The following ZNF407 variants were observed in gnomAD, a reference collection of about 807,000 sequenced individuals.
The protein encoded by ZNF407 is zinc finger protein 407.
ZNF407 carries 17 observed loss-of-function variants against 131.2 expected under a neutral mutation model. The ratio of observed to expected loss-of-function variants is 0.13; its 90% CI spans 0.09 to 0.19. ZNF407 has a LOEUF of 0.19. ZNF407 is among the 10% of genes least tolerant of loss of function. The pLI is 1.00. For synonymous variants in ZNF407, 1,156 were observed against 1,062.0 expected (o/e 1.09, Z -1.72); for missense variants, 2,681 against 2,830.6 (o/e 0.95, Z 1.20).
At chr18:74,598,224 T>C in intron 1 of ZNF407, 1 of 152,100 alleles carries the variant, frequency 6.6e-6, no homozygotes, top group Non-Finnish European at 1.5e-5. Flanking sequence ...CGCCCTGCCC[T>C]CTCACCCGCT....
chr18:74,737,303 G>A (rs1456396467), intron 3 of ZNF407, among the ~76,000 whole-genome samples: 1 of 152,118 alleles, frequency 6.6e-6, no homozygotes, highest in Non-Finnish European at 1.5e-5. Flanking sequence ...CATATCTTTA[G>A]CACTGTTGGG....
chr18:74,778,727 A>T (rs1260443734), intron 3 of ZNF407, among the ~76,000 whole-genome samples: 1 of 152,102 alleles, frequency 6.6e-6, no homozygotes, highest in East Asian at 1.9e-4. Flanking sequence ...CAGGTTGTCG[A>T]GAATGCTCCG....
intron 7 of ZNF407, among the ~76,000 whole-genome samples, chr18:74,911,919 G>A (rs1018271000): frequency 6.6e-6 from 1 of 152,110 alleles, no homozygotes; most frequent in Non-Finnish European, 1.5e-5. Context: ...ATGCTCTTTG[G>A]GCGGTGGGTT....
intron 1 of ZNF407, among the ~76,000 whole-genome samples, chr18:74,622,526 A>G (rs1293593237): frequency 6.6e-6 from 1 of 151,766 alleles, no homozygotes; most frequent in East Asian, 1.9e-4. Flanking sequence ...CCAAAGAGAA[A>G]GAACAAAAGA....
intron 8 of ZNF407, among the ~76,000 whole-genome samples, chr18:74,948,199 T>A (rs1437280632): frequency 6.6e-6 from 1 of 152,212 alleles, no homozygotes; most frequent in Non-Finnish European, 1.5e-5. Flanking sequence ...CTTTTCATCA[T>A]CCTTTGTACA....
rs543792057 is a variant in ZNF407 at position 74,785,854 on chromosome 18, C to T, written c.4877+4352C>T. Among the ~76,000 whole-genome samples, 311 of 151,562 alleles carry T rather than the reference C, an allele frequency of 2.1e-3. 2 individuals are homozygous for T. Among genetic ancestry groups the T allele is most frequent in the African/African-American group, 7.1e-3 (294 of 41,306 alleles). On this transcript the variant is annotated intron_variant, in intron 4 of 8. Coordinates refer to ENST00000299687, the MANE Select transcript of ZNF407 (RefSeq NM_017757.3). Reference sequence around the variant, plus strand: ...TCACTCACATGGCATGCACATGGCCCACATGGCACACACGTCACTCACATG... The same window carrying T: ...TCACTCACATGGCATGCACATGGCCTACATGGCACACACGTCACTCACATG...
intron 3 of ZNF407, among the ~76,000 whole-genome samples, chr18:74,682,265 A>G (rs773166393): frequency 3.9e-5 from 6 of 152,184 alleles, no homozygotes; most frequent in Non-Finnish European, 8.8e-5. Flanking sequence ...CAAGCATGTA[A>G]CTACCTGAAG....
rs370362692 is a variant in ZNF407 at position 74,631,585 on chromosome 18, G to A, written c.566G>A (p.Ser189Asn). The A allele has an allele frequency of 2.0e-5, 33 of 1,613,600 alleles. No homozygotes were observed. Among genetic ancestry groups the A allele is most frequent in the Admixed American group, 2.0e-4 (12 of 60,006 alleles). ...AATGTAGATACAGTTCTCAAATGCA[G>A]CATCTGTGGGCATTTGTTTTCTTCT... ...IGNVDTVLKC[S>N]ICGHLFSSCS... Residue 189 changes from serine (S) to asparagine (N), a missense_variant, in exon 2 of 9, where the codon AGC becomes AAC. Physicochemically the swap from Ser to Asn is conservative, Grantham distance 46. Transcript: ENST00000299687.
At chr18:74,617,158 C>T (rs927280998) in intron 1 of ZNF407, among the ~76,000 whole-genome samples, 49 of 23,664 alleles carry the variant, frequency 2.1e-3, no homozygotes, top group African/African-American at 5.0e-3. Context: ...TCCATATCCA[C>T]GCACCACACA....
intron 8 of ZNF407, among the ~76,000 whole-genome samples, chr18:74,982,561 C>T (rs1972605086): frequency 6.6e-6 from 1 of 152,196 alleles, no homozygotes; most frequent in African/African-American, 2.4e-5. Flanking sequence ...ACTGAGTTCC[C>T]TTGCTACTCA....
intron 8 of ZNF407, among the ~76,000 whole-genome samples, chr18:75,002,528 C>T (rs1219524787): frequency 5.3e-5 from 8 of 152,096 alleles, no homozygotes; most frequent in Non-Finnish European, 1.0e-4. Context: ...CAGGGCCGGG[C>T]GCGGTGGCTG....
At chr18:74,932,173 T>C (rs1971990268) in intron 8 of ZNF407, among the ~76,000 whole-genome samples, 1 of 152,250 alleles carries the variant, frequency 6.6e-6, no homozygotes, top group African/African-American at 2.4e-5. Context: ...TATTACACTT[T>C]ACATTTAGTT....
intron 3 of ZNF407, among the ~76,000 whole-genome samples, chr18:74,660,785 T>C (rs1014125023): frequency 1.3e-5 from 2 of 152,160 alleles, no homozygotes; most frequent in Non-Finnish European, 2.9e-5. Context: ...AAGAAGTTAT[T>C]TTGAAAGGGC....
At chr18:74,661,047 T>G (rs1465381133) in intron 3 of ZNF407, among the ~76,000 whole-genome samples, 1 of 152,190 alleles carries the variant, frequency 6.6e-6, no homozygotes, top group Non-Finnish European at 1.5e-5. Context: ...ACGTAGTGAA[T>G]TTTTTACAAA....
At chr18:74,691,398 A>T (rs946419767) in intron 3 of ZNF407, among the ~76,000 whole-genome samples, 2 of 151,768 alleles carry the variant, frequency 1.3e-5, no homozygotes, top group Admixed American at 1.3e-4. Flanking sequence ...TAAAACAGCC[A>T]TTTATTGTTA....
At chr18:74,714,282 G>T (rs1406014498) in intron 3 of ZNF407, among the ~76,000 whole-genome samples, 2 of 152,158 alleles carry the variant, frequency 1.3e-5, no homozygotes, top group Non-Finnish European at 2.9e-5. Context: ...ATAAGTCTGT[G>T]GTCACAGTAT....
rs995597293 is a variant in ZNF407 at position 74,631,117 on chromosome 18, G to A, written c.98G>A (p.Gly33Asp). 10 of 1,613,772 alleles carry A rather than the reference G, an allele frequency of 6.2e-6. No individual in the cohort carries two copies. In the African/African-American group the frequency reaches 1.3e-4, roughly 22 times the overall value. Reference protein sequence around the residue: ...LTKLSSHNEDGGPVSDVIASF... With the variant: ...LTKLSSHNEDDGPVSDVIASF... ...AAGCTTTCATCCCATAATGAAGACG[G>A]TGGGCCTGTATCTGATGTGATAGCA... The change falls in exon 2 of 9, where the codon GGT (glycine) becomes GAT (aspartate). Residue 33 changes from glycine to aspartate, a missense_variant. Gly to Asp is a moderately conservative substitution (Grantham distance 94). Transcript: ENST00000299687.
At chr18:74,852,241 T>C (rs1311195046) in intron 4 of ZNF407, among the ~76,000 whole-genome samples, 1 of 152,124 alleles carries the variant, frequency 6.6e-6, no homozygotes, top group African/African-American at 2.4e-5. Flanking sequence ...CTGGCTTTAT[T>C]TTTCTTCTAA....
intron 3 of ZNF407, among the ~76,000 whole-genome samples, chr18:74,776,289 TC>T (rs1165416321): frequency 6.6e-6 from 1 of 152,162 alleles, no homozygotes; most frequent in African/African-American, 2.4e-5. Context: ...CCTTCCAGCC[TC>T]CAGAACTGTA....
Sources: allele counts gnomAD v4.1 joint callset (sites outside exome capture counted in the v4.1 genomes callset), GRCh38; gene constraint gnomAD v4.1.1; transcripts MANE v1.5; gene names NCBI Gene and HGNC (gene_info 2026-07-23, HGNC 2026-07-21).